Variants in MND1 observed in about 807,000 individuals in gnomAD.
The protein encoded by MND1 is meiotic nuclear division protein 1 homolog.
A neutral mutation model predicts 35.1 loss-of-function variants in MND1; 28 were observed. The ratio of observed to expected loss-of-function variants is 0.80; its 90% CI spans 0.59 to 1.09. The LOEUF is 1.09. Ranked by LOEUF, MND1 falls within the 50% of genes least tolerant of loss-of-function variation. MND1 has a pLI of 0.00. For missense variants in MND1, 213 were observed against 239.6 expected, an observed-to-expected ratio of 0.89 and a Z score of 0.73; for synonymous variants, 69 against 70.5, an observed-to-expected ratio of 0.98 and a Z score of 0.11.
At chr4:153,397,660 A>AG (rs111525349) in intron 6 of MND1, among the ~76,000 whole-genome samples, 10,623 of 151,910 alleles carry the variant, frequency 0.07, 638 homozygotes, top group African/African-American at 0.17. Flanking sequence ...CTACAAAAAA[A>AG]AAACACAAAA....
chr4:153,381,461 C>T (rs1004581277), intron 4 of MND1, among the ~76,000 whole-genome samples: 22 of 150,746 alleles, frequency 1.5e-4, no homozygotes, highest in Admixed American at 2.7e-4. Flanking sequence ...ATTTATTCTA[C>T]AAAAAACTGG....
chr4:153,410,375 C>T (rs1409810444), intron 7 of MND1, among the ~76,000 whole-genome samples: 1 of 151,964 alleles, frequency 6.6e-6, no homozygotes, highest in East Asian at 1.9e-4. Flanking sequence ...GCAGAAACAG[C>T]TGTTAAGAAC....
chr4:153,414,820 C>T lies in MND1; in HGVS notation c.581C>T (p.Thr194Ile), dbSNP rs1729789349. ...TTTGAAGAAAATAAAATTGATAGAA[C>T]TTTTGGAATTCCAGAAGACTTTGAC... ...FGFEENKIDR[T>I]FGIPEDFDYI... The change falls in exon 8 of 8, where the codon ACT becomes ATT. Residue 194 changes from threonine (T) to isoleucine (I), a missense_variant. By Grantham distance (89) the Thr-to-Ile change is moderately conservative (BLOSUM62 -1). Coordinates refer to ENST00000240488, the MANE Select transcript of MND1 (RefSeq NM_032117.4). The T allele has an allele frequency of 6.4e-7, 1 of 1,558,918 alleles. No homozygotes were observed. Among genetic ancestry groups the T allele is most frequent in the Non-Finnish European group, 8.7e-7 (1 of 1,146,642 alleles).
At chr4:153,364,558 T>C (rs1282103098) in intron 4 of MND1, among the ~76,000 whole-genome samples, 1 of 151,826 alleles carries the variant, frequency 6.6e-6, no homozygotes, top group Non-Finnish European at 1.5e-5. Context: ...TATCCAAGAC[T>C]TGAAAGCAGG....
At chr4:153,350,735 C>T (rs1242355676) in intron 2 of MND1, among the ~76,000 whole-genome samples, 1 of 152,122 alleles carries the variant, frequency 6.6e-6, no homozygotes, top group Non-Finnish European at 1.5e-5. Flanking sequence ...TACACTGTTA[C>T]TGGAAGGCTT....
intron 3 of MND1, among the ~76,000 whole-genome samples, chr4:153,356,552 CAA>C (rs34763120): frequency 0.015 from 915 of 59,918 alleles, 1 homozygote; most frequent in African/African-American, 0.059. Context: ...AACTCAGTCT[CAA>C]AAAAAAAAAA....
At chr4:153,397,443 T>C (rs1367967156) in intron 6 of MND1, 110 bp downstream of exon 6, 3 of 706,392 alleles carry the variant, frequency 4.2e-6, no homozygotes, top group Admixed American at 2.9e-5. Flanking sequence ...TAAAACTAGT[T>C]AAGGTAGTAT....
intron 4 of MND1, among the ~76,000 whole-genome samples, chr4:153,387,306 A>T (rs1202491262): frequency 6.6e-6 from 1 of 152,162 alleles, no homozygotes; most frequent in Admixed American, 6.5e-5. Context: ...TGTAATTATG[A>T]CATATTTATA....
chr4:153,352,310 T>C (rs773321433), intron 2 of MND1, among the ~76,000 whole-genome samples: 17 of 152,150 alleles, frequency 1.1e-4, no homozygotes, highest in Non-Finnish European at 2.2e-4. Context: ...CGTGTGTGTG[T>C]GTGGGTTTTG....
chr4:153,406,248 G>A (rs556254667), intron 6 of MND1, among the ~76,000 whole-genome samples: 32 of 152,236 alleles, frequency 2.1e-4, no homozygotes, highest in African/African-American at 2.9e-4. Flanking sequence ...GAGGCTGGGC[G>A]CGGTGTCTCA....
chr4:153,378,089 C>T (rs1728561961), intron 4 of MND1, among the ~76,000 whole-genome samples: 1 of 152,146 alleles, frequency 6.6e-6, no homozygotes, highest in Non-Finnish European at 1.5e-5. Context: ...CTGAAACATA[C>T]AGAAACATGA....
chr4:153,395,985 G>C (rs984469814), intron 5 of MND1, among the ~76,000 whole-genome samples: 3 of 151,994 alleles, frequency 2.0e-5, no homozygotes, highest in African/African-American at 7.3e-5. Context: ...TCAACCTCCT[G>C]AGTAGCTGGT....
intron 6 of MND1, among the ~76,000 whole-genome samples, chr4:153,401,930 G>A (rs1005714166): frequency 2.0e-4 from 30 of 152,126 alleles, no homozygotes; most frequent in South Asian, 2.1e-4. Context: ...AGAGGCAGGC[G>A]GATCACTAGG....
rs995593437 is a variant in MND1 at position 153,344,708 on chromosome 4, C to G, written c.-30C>G. 1.3e-6 allele frequency: 2 copies of G among 1,582,478 alleles called. No individual in the cohort carries two copies. Among genetic ancestry groups the G allele is most frequent in the East Asian group, 2.4e-5 (1 of 42,338 alleles). ...CCCGCCCCTCTCCCCAAGCGCGGGCCCGGCCAGCGGAAGCCCCTGCGCCCG... is the reference window on the plus strand; with the variant it reads ...CCCGCCCCTCTCCCCAAGCGCGGGCGCGGCCAGCGGAAGCCCCTGCGCCCG... On this transcript the variant is annotated 5_prime_UTR_variant, in exon 1 of 8. Coordinates refer to ENST00000240488, the MANE Select transcript of MND1 (RefSeq NM_032117.4).
At chr4:153,402,973 A>G (rs1309121233) in intron 6 of MND1, among the ~76,000 whole-genome samples, 1 of 152,124 alleles carries the variant, frequency 6.6e-6, no homozygotes. Context: ...AACTCCATCT[A>G]TGTAAAAAAT....
intron 5 of MND1, among the ~76,000 whole-genome samples, chr4:153,395,556 T>C (rs978333914): frequency 1.3e-5 from 2 of 152,244 alleles, no homozygotes; most frequent in South Asian, 2.1e-4. Context: ...CTAATTATTC[T>C]TGATGATGGT....
chr4:153,362,714 A>AT (rs1207012564), intron 4 of MND1, among the ~76,000 whole-genome samples: 1 of 152,066 alleles, frequency 6.6e-6, no homozygotes, highest in Non-Finnish European at 1.5e-5. Flanking sequence ...CATTTGTAGT[A>AT]TTTTTTTAAC....
intron 6 of MND1, among the ~76,000 whole-genome samples, chr4:153,403,540 T>G (rs949065385): frequency 1.3e-5 from 2 of 152,134 alleles, no homozygotes; most frequent in South Asian, 4.1e-4. Context: ...TCAGGAAAGT[T>G]ACTAAACAAA....
chr4:153,346,922 G>C (rs891461851), intron 1 of MND1, among the ~76,000 whole-genome samples: 1 of 152,146 alleles, frequency 6.6e-6, no homozygotes, highest in Non-Finnish European at 1.5e-5. Context: ...GCCCCGCAGC[G>C]CCCTTGACAT....
Sources: allele counts gnomAD v4.1 joint callset (sites outside exome capture counted in the v4.1 genomes callset), GRCh38; gene constraint gnomAD v4.1.1; transcripts MANE v1.5; gene names NCBI Gene and HGNC (gene_info 2026-07-23, HGNC 2026-07-21).